Variants in SLC12A3 observed in about 807,000 individuals in gnomAD.
SLC12A3 encodes the protein Na-Cl cotransporter.
In SLC12A3, 104 loss-of-function variants were observed where a neutral mutation model predicts 121.0. The ratio of observed to expected loss-of-function variants is 0.86; its 90% CI spans 0.73 to 1.01. The LOEUF (loss-of-function observed/expected upper bound fraction) is 1.01, where lower values mean the gene tolerates loss of function less well. Among genes scored for constraint, SLC12A3 ranks in the 50% least tolerant of loss-of-function variants. The pLI is 0.00. For missense variants in SLC12A3, 1,328 were observed against 1,356.3 expected (o/e 0.98, Z 0.33); for synonymous variants, 536 against 533.4 (o/e 1.00, Z -0.07).
chr16:56,888,549 A>ATTTTTTTTT (rs749206626), intron 18 of SLC12A3, among the ~76,000 whole-genome samples: 3 of 85,918 alleles, frequency 3.5e-5, no homozygotes, highest in Non-Finnish European at 6.2e-5. Context: ...AGATCTTTTA[A>ATTTTTTTTT]TTTTTTTTTT....
intron 25 of SLC12A3, among the ~76,000 whole-genome samples, chr16:56,907,932 C>T (rs1241419427): frequency 6.6e-6 from 1 of 152,158 alleles, no homozygotes; most frequent in Non-Finnish European, 1.5e-5. Context: ...TGCCAGTAGA[C>T]AGTAGAGCAT....
intron 11 of SLC12A3, among the ~76,000 whole-genome samples, 169 bp downstream of exon 11, chr16:56,879,818 C>G (rs1432806991): frequency 6.6e-6 from 1 of 152,102 alleles, no homozygotes; most frequent in Non-Finnish European, 1.5e-5. Flanking sequence ...AGGAAGCAGC[C>G]CCCTCCGACT....
In SLC12A3 at chr16:56,868,280, C is replaced by A; in HGVS notation, c.430-17C>A. The A allele has an allele frequency of 6.2e-7, 1 of 1,612,312 alleles. No individual in the cohort carries two copies. Among genetic ancestry groups the A allele is most frequent in the Non-Finnish European group, 8.5e-7 (1 of 1,178,856 alleles). On this transcript the variant is annotated splice_polypyrimidine_tract_variant and intron_variant, in intron 2 of 25. Coordinates refer to ENST00000563236, the MANE Select transcript of SLC12A3 (RefSeq NM_001126108.2). ...GGGTGTCCACCCAGGTGGCCTCTGA[C>A]CCCCCTGTCCTCCCAGATTCGTTGC...
intron 10 of SLC12A3, 141 bp from the exon 11 acceptor site, chr16:56,879,401 C>A: frequency 1.9e-6 from 2 of 1,049,252 alleles, no homozygotes; most frequent in East Asian, 2.5e-5. Flanking sequence ...TGGGTGGACA[C>A]TGGGATCTCC....
At chr16:56,867,358 C>G (rs561574031) in intron 2 of SLC12A3, 142 bp downstream of exon 2, 1 of 852,756 alleles carries the variant, frequency 1.2e-6, no homozygotes, top group Admixed American at 2.7e-5. Context: ...GTTAATAGAT[C>G]AATAGACAAT....
At chr16:56,886,866 G>A (rs1325106673) in intron 16 of SLC12A3, 87 bp from the exon 17 acceptor site, 16 of 1,585,200 alleles carry the variant, frequency 1.0e-5, no homozygotes, top group Non-Finnish European at 1.3e-5. Context: ...CAAGCCCCTG[G>A]GGCAGCCTCC....
intron 13 of SLC12A3, among the ~76,000 whole-genome samples, chr16:56,883,624 C>G (rs752895189): frequency 6.6e-6 from 1 of 152,180 alleles, no homozygotes; most frequent in African/African-American, 2.4e-5. Context: ...ACTAGGCCAC[C>G]TTTTACATAG....
intron 14 of SLC12A3, 92 bp downstream of exon 14, chr16:56,884,296 T>A (rs1376755762): frequency 7.4e-7 from 1 of 1,346,798 alleles, no homozygotes. Context: ...GGGCCCTGAG[T>A]CCGGCTCTGT....
intron 16 of SLC12A3, 124 bp from the exon 17 acceptor site, chr16:56,886,828 CA>C: frequency 7.6e-7 from 1 of 1,324,204 alleles, no homozygotes; most frequent in South Asian, 1.3e-5. Flanking sequence ...CTTATCTGGG[CA>C]AAAGAAAAGG....
At chr16:56,876,174 C>T (rs1326964522) in intron 8 of SLC12A3, among the ~76,000 whole-genome samples, 1 of 152,238 alleles carries the variant, frequency 6.6e-6, no homozygotes, top group East Asian at 1.9e-4. Flanking sequence ...CTCTGTCTCA[C>T]GTGGCCTTCT....
Position 56,865,240 on chromosome 16 carries a change from C to G in SLC12A3, c.5C>G (p.Ala2Gly), listed in dbSNP as rs1365506259. 1 of 1,613,470 alleles carries G rather than the reference C, an allele frequency of 6.2e-7. No individual in the cohort carries two copies. Among genetic ancestry groups the G allele is most frequent in the Non-Finnish European group, 8.5e-7 (1 of 1,179,994 alleles). Residue 2 changes from alanine to glycine, a missense_variant, in exon 1 of 26, where the codon GCA becomes GGA. Coordinates refer to ENST00000563236, the MANE Select transcript of SLC12A3 (RefSeq NM_001126108.2). ...TCCCTGGACACCCAGGCGACAATGGCAGAACTGCCCACAACAGAGACGCCT... is the reference window on the plus strand; with the variant it reads ...TCCCTGGACACCCAGGCGACAATGGGAGAACTGCCCACAACAGAGACGCCT... M[A>G]ELPTTETPGD...
chr16:56,889,504 T>G (rs968030944), intron 18 of SLC12A3, among the ~76,000 whole-genome samples: 42 of 152,138 alleles, frequency 2.8e-4, no homozygotes, highest in Admixed American at 2.2e-3. Flanking sequence ...TGAGACAGAG[T>G]CTTGTTCTGT....
At chr16:56,893,965 TTTTTATTTTA>T (rs201991867) in intron 21 of SLC12A3, among the ~76,000 whole-genome samples, 9,830 of 134,380 alleles carry the variant, frequency 0.073, 351 homozygotes, top group East Asian at 0.13. Context: ...TTTATTTTTA[TTTTTATTTTA>T]TTTATTTATT....
At chr16:56,895,099 A>C (rs981983449) in intron 22 of SLC12A3, among the ~76,000 whole-genome samples, 8 of 151,462 alleles carry the variant, frequency 5.3e-5, no homozygotes, top group Non-Finnish European at 1.2e-4. Flanking sequence ...GGGCTGGGCC[A>C]AGGCAGCTGG....
chr16:56,880,537 G>C lies in SLC12A3; in HGVS notation c.1567+284G>C, dbSNP rs560464412. ...AGAAGAGAACTTACCTGTTCCCCCG[G>C]TCTGCGTTCACATGTCCTGGCAGCT... On this transcript the variant is annotated intron_variant, in intron 12 of 25. Transcript: ENST00000563236. Among the ~76,000 whole-genome samples, 4 of 152,254 alleles carry C rather than the reference G, an allele frequency of 2.6e-5. No homozygotes were observed. The South Asian group carries it at 8.3e-4, about 32-fold the overall frequency.
chr16:56,893,038 G>A lies in SLC12A3; in HGVS notation c.2505G>A (p.Trp835Ter), dbSNP rs1366655422. 4 of 1,613,976 alleles carry A rather than the reference G, an allele frequency of 2.5e-6. No homozygotes were observed. The East Asian group carries it at 8.9e-5, about 36-fold the overall frequency. Residue 835 changes from tryptophan (W) to a stop codon, truncating the protein, a stop_gained, in exon 21 of 26, where the codon TGG becomes TGA. Coordinates refer to ENST00000563236, the MANE Select transcript of SLC12A3 (RefSeq NM_001126108.2). LOFTEE classifies it high-confidence loss of function. ...GCAAGAAGACCATAGACATCTACTG[G>A]CTCTTTGACGATGGAGGTCAGTGAC... ...EQGKKTIDIY[W>*]LFDDGGLTLL... is the part of the protein sequence containing the mutation.
chr16:56,885,556 A>G (rs555020865), intron 15 of SLC12A3, among the ~76,000 whole-genome samples, 192 bp downstream of exon 15: 1 of 152,182 alleles, frequency 6.6e-6, no homozygotes, highest in South Asian at 2.1e-4. Flanking sequence ...CCTGATGGGG[A>G]CCAAGCAAGT....
rs143296819 is a variant in SLC12A3, at chr16:56,865,948, A to G, written c.282+431A>G. 1.1e-4 allele frequency among the ~76,000 whole-genome samples: 16 copies of G among 151,404 alleles called. No homozygotes were observed. The East Asian group carries it at 2.9e-3, about 28-fold the overall frequency. ...CTGGCCTCACTTTTCCCATATGACA[A>G]TTGGGCTGAATTGTTCTTTTTTCTT... On this transcript the variant is annotated intron_variant, in intron 1 of 25. Coordinates refer to ENST00000563236, the MANE Select transcript of SLC12A3 (RefSeq NM_001126108.2).
chr16:56,891,476 C>T (rs1254116148), intron 19 of SLC12A3, among the ~76,000 whole-genome samples: 10 of 151,940 alleles, frequency 6.6e-5, no homozygotes, highest in Admixed American at 2.6e-4. Flanking sequence ...GCTTGGAGTC[C>T]GCGTCTCTTG....
Sources: gnomAD v4.1 joint callset for allele counts (sites outside exome capture counted in the v4.1 genomes callset) on GRCh38, gnomAD v4.1.1 for gene constraint, MANE v1.5 for transcripts, NCBI Gene and HGNC (gene_info 2026-07-23, HGNC 2026-07-21) for gene names.